The following RHBDF1 variants were observed in gnomAD, a reference collection of about 807,000 sequenced individuals.
The protein encoded by RHBDF1 is rhomboid 5 homolog 1.
In RHBDF1, 80 loss-of-function variants were observed where a neutral mutation model predicts 98.6. The observed-to-expected ratio is 0.81, with a 90% CI of 0.68 to 0.98. The LOEUF (loss-of-function observed/expected upper bound fraction) is 0.98. Ranked by LOEUF, RHBDF1 falls within the 50% of genes least tolerant of loss-of-function variation. RHBDF1 has a pLI of 0.00. For missense variants in RHBDF1, 1,116 were observed against 1,198.3 expected, an observed-to-expected ratio of 0.93 and a Z score of 1.01; for synonymous variants, 512 against 486.8, an observed-to-expected ratio of 1.05 and a Z score of -0.68.
chr16:62,450 C>T (rs1897669479), intron 7 of RHBDF1, 88 bp downstream of exon 7: 2 of 1,519,952 alleles, frequency 1.3e-6, no homozygotes, highest in Non-Finnish European at 1.8e-6. Flanking sequence ...TTCCATCGCC[C>T]ACAGAGGTGA....
chr16:61,692 A>T lies in RHBDF1; in HGVS notation c.1213T>A (p.Phe405Ile). Reference protein sequence around the residue: ...QIEDMDDHRPFFTYWLTFVHS... With the variant: ...QIEDMDDHRPIFTYWLTFVHS... ...ACGAAGGTAAGCCAGTAGGTGAAGA[A>T]GGGCCTGCGGGGTGGAGCGTCAGCG... is the stretch of plus-strand genomic sequence containing the variant. The change falls in exon 9 of 18, where the codon TTC (phenylalanine) becomes ATC (isoleucine). Residue 405 changes from phenylalanine (F) to isoleucine (I), a missense_variant. Phe to Ile is a conservative substitution (Grantham distance 21). Coordinates refer to ENST00000262316, the MANE Select transcript of RHBDF1 (RefSeq NM_022450.5). 1 of 1,613,418 alleles carries T rather than the reference A, an allele frequency of 6.2e-7. No homozygotes were observed.
chr16:65,137 A>G (rs1167571604), intron 1 of RHBDF1, 98 bp from the exon 2 acceptor site: 32 of 1,291,750 alleles, frequency 2.5e-5, no homozygotes, highest in Middle Eastern at 3.9e-4. Context: ...GATGAGCCCA[A>G]CCGTGGTGCT....
At chr16:74,240 A>AC (rs11459785), upstream of RHBDF1, among the ~76,000 whole-genome samples, 152,334 of 152,334 alleles carry the variant, frequency 1, 76,167 homozygotes, top group Non-Finnish European at 1. Context: ...AGCATTATTG[A>AC]CCTGCCAGGG....
chr16:67,755 C>G (rs1263245525), intron 1 of RHBDF1, among the ~76,000 whole-genome samples: 1 of 152,244 alleles, frequency 6.6e-6, no homozygotes, highest in Non-Finnish European at 1.5e-5. Flanking sequence ...CTGGCCTGCT[C>G]TGAAGCCACC....
At position 63,122 on chromosome 16, in the gene RHBDF1, G is replaced by C. The variant is rs892009512; in HGVS notation, c.523C>G (p.Leu175Val). 3 of 1,602,696 alleles carry C rather than the reference G, an allele frequency of 1.9e-6. No individual in the cohort carries two copies. The highest frequency in any genetic ancestry group is 2.7e-5 in the African/African-American group (2 of 74,882). Reference sequence around the variant, plus strand: ...GTGACGGGAGTGTGTGGGGCACTCAGGCCTTCCGCAGTGTCATCTGCCACA... The same window carrying C: ...GTGACGGGAGTGTGTGGGGCACTCACGCCTTCCGCAGTGTCATCTGCCACA... Reference protein sequence around the residue: ...FRVADDTAEGLSAPHTPVTPG... With the variant: ...FRVADDTAEGVSAPHTPVTPG... The change falls in exon 5 of 18, where the codon CTG becomes GTG. Residue 175 changes from leucine to valine, a missense_variant. Transcript: ENST00000262316.
chr16:67,820 G>C (rs983163148), intron 1 of RHBDF1, among the ~76,000 whole-genome samples: 6 of 152,206 alleles, frequency 3.9e-5, no homozygotes, highest in African/African-American at 1.4e-4. Flanking sequence ...CCTAATCTGG[G>C]GTAACGGAGG....
rs1897495888 is a variant in RHBDF1 at position 59,039 on chromosome 16, T to A, written c.2083A>T (p.Ile695Phe). ...KLAGWHRIAI[I>F]YLLSGVTGNL... is the part of the protein sequence containing the mutation. ...CCGGTGACACCACTCAGCAGGTAGA[T>A]GATGGCTATGCGGTGCCAGCCTGCC... The change falls in exon 17 of 18, where the codon ATC (isoleucine) becomes TTC (phenylalanine). Residue 695 changes from isoleucine (I) to phenylalanine (F), a missense_variant. Coordinates refer to ENST00000262316, the MANE Select transcript of RHBDF1 (RefSeq NM_022450.5). 6.2e-7 allele frequency: 1 copy of A among 1,613,476 alleles called. No individual in the cohort carries two copies. Among genetic ancestry groups the A allele is most frequent in the Non-Finnish European group, 8.5e-7 (1 of 1,180,018 alleles).
intron 1 of RHBDF1, among the ~76,000 whole-genome samples, chr16:68,237 G>A (rs1040551036): frequency 1.3e-5 from 2 of 152,234 alleles, no homozygotes; most frequent in Admixed American, 6.5e-5. Flanking sequence ...TAGGTCCTGC[G>A]GGTGGGCAGT....
chr16:60,016 C>T, intron 13 of RHBDF1, 190 bp from the exon 14 acceptor site: 1 of 1,472,760 alleles, frequency 6.8e-7, no homozygotes, highest in Non-Finnish European at 9.0e-7. Flanking sequence ...TTTCAAGTCT[C>T]CATCTAGTTC....
At chr16:73,821 T>G, upstream of RHBDF1, 6 of 441,250 alleles carry the variant, frequency 1.4e-5, no homozygotes, top group East Asian at 1.6e-4. Context: ...CTCTCCAAAC[T>G]GAGCTGTTGC....
chr16:60,093 C>A, intron 13 of RHBDF1, 123 bp downstream of exon 13: 1 of 1,550,918 alleles, frequency 6.4e-7, no homozygotes. Flanking sequence ...GGCAGGTGCA[C>A]AGCCTCTGAA....
In RHBDF1 at chr16:64,816, T is replaced by A. The variant is rs1446843804; in HGVS notation, c.131A>T (p.Gln44Leu). The A allele has an allele frequency of 5.6e-6, 9 of 1,613,916 alleles. No homozygotes were observed. The highest frequency in any genetic ancestry group is 7.6e-6 in the Non-Finnish European group (9 of 1,180,004). Reference protein sequence around the residue: ...EPSFLQPLRRQAFLRSVSMPA... With the variant: ...EPSFLQPLRRLAFLRSVSMPA... The stretch of plus-strand genomic sequence containing the variant: ...CATACTCACACTCCTCAGGAAAGCC[T>A]GTCGCCTCAGGGGCTGGGCAACAGG... The change falls in exon 3 of 18, where the codon CAG becomes CTG. Residue 44 changes from glutamine to leucine, a missense_variant. Gln to Leu is a moderately radical substitution (Grantham distance 113, BLOSUM62 -2). Coordinates refer to ENST00000262316, the MANE Select transcript of RHBDF1 (RefSeq NM_022450.5).
chr16:67,649 C>T (rs1897863400), intron 1 of RHBDF1, among the ~76,000 whole-genome samples: 1 of 152,230 alleles, frequency 6.6e-6, no homozygotes, highest in African/African-American at 2.4e-5. Flanking sequence ...CAAAGGCGGT[C>T]CTTGGCCTGG....
chr16:61,073 C>T (rs1275034451), intron 11 of RHBDF1, 47 bp downstream of exon 11: 21 of 1,501,780 alleles, frequency 1.4e-5, no homozygotes, highest in South Asian at 2.5e-5. Context: ...GTCTGAAGAG[C>T]GAACACCGGG....
rs774505993 is a variant in RHBDF1, at chr16:61,864, T to C, written c.1142A>G (p.Asn381Ser). ...YGLGMVGRLT[N>S]RTYRKRIDSF... Reference sequence around the variant, plus strand: ...GTCGATGCGCTTGCGGTAGGTGCGGTTGGTGAGCCGTCCCACCATGCCCAG... The same window carrying C: ...GTCGATGCGCTTGCGGTAGGTGCGGCTGGTGAGCCGTCCCACCATGCCCAG... The change falls in exon 8 of 18, where the codon AAC becomes AGC. Residue 381 changes from asparagine (N) to serine (S), a missense_variant. Physicochemically the swap from Asn to Ser is conservative, Grantham distance 46. Coordinates refer to ENST00000262316, the MANE Select transcript of RHBDF1 (RefSeq NM_022450.5). 64 of 1,610,548 alleles carry C rather than the reference T, an allele frequency of 4.0e-5. No homozygotes were observed. The highest frequency in any genetic ancestry group is 5.0e-5 in the Non-Finnish European group (59 of 1,179,818).
intron 13 of RHBDF1, 48 bp downstream of exon 13, chr16:60,168 C>T: frequency 1.2e-6 from 2 of 1,613,376 alleles, no homozygotes; most frequent in Non-Finnish European, 1.7e-6. Context: ...GGCATTCTCT[C>T]CCACATGACA....
At chr16:67,217 G>T (rs1157775059) in intron 1 of RHBDF1, among the ~76,000 whole-genome samples, 1 of 152,212 alleles carries the variant, frequency 6.6e-6, no homozygotes, top group Non-Finnish European at 1.5e-5. Flanking sequence ...GGGGCTTCCG[G>T]AACCCACAGT....
chr16:71,201 G>T (rs1008324631), intron 1 of RHBDF1, among the ~76,000 whole-genome samples: 1 of 152,202 alleles, frequency 6.6e-6, no homozygotes, highest in Non-Finnish European at 1.5e-5. Flanking sequence ...TGGTTGAGGG[G>T]CCTGCTTGTG....
At position 61,374 on chromosome 16, in the gene RHBDF1, C is replaced by G. The variant is rs780150738; in HGVS notation, c.1395+11G>C. ...CGCCCCCGCCGGCCCCGCCCCCAGC[C>G]CCGTCCTCACCGAGCTGGGCCCGAT... On this transcript the variant is annotated intron_variant, in intron 10 of 17. Transcript: ENST00000262316. 2.5e-6 allele frequency: 4 copies of G among 1,596,388 alleles called. No individual in the cohort carries two copies. Among genetic ancestry groups the G allele is most frequent in the Non-Finnish European group, 3.4e-6 (4 of 1,172,626 alleles).
Sources: allele counts gnomAD v4.1 joint callset (sites outside exome capture counted in the v4.1 genomes callset), GRCh38; gene constraint gnomAD v4.1.1; transcripts MANE v1.5; gene names NCBI Gene and HGNC (gene_info 2026-07-23, HGNC 2026-07-21).